Variants in LINC00305 observed in about 807,000 individuals in gnomAD.
The protein encoded by LINC00305 is long independently transcribed non-coding RNA 305, also known as long intergenic non-protein coding RNA 305.
chr18:64,131,185 A>T (rs993622747), intron 1 of LINC00305, among the ~76,000 whole-genome samples: 1 of 152,246 alleles, frequency 6.6e-6, no homozygotes, highest in Non-Finnish European at 1.5e-5. Flanking sequence ...GATATGTGTT[A>T]CTAAAAGAGT....
At chr18:64,098,923 G>A (rs2051257658) in intron 1 of LINC00305, among the ~76,000 whole-genome samples, 1 of 152,186 alleles carries the variant, frequency 6.6e-6, no homozygotes, top group Admixed American at 6.5e-5. Flanking sequence ...GAGCATTGAA[G>A]TTTCATACAA....
chr18:64,099,093 A>G (rs531909995), intron 1 of LINC00305, among the ~76,000 whole-genome samples: 72 of 152,312 alleles, frequency 4.7e-4, no homozygotes, highest in African/African-American at 1.7e-3. Context: ...TCTCCTTCTT[A>G]TCACCAATCA....
At chr18:64,107,921 T>C (rs972714280) in intron 1 of LINC00305, among the ~76,000 whole-genome samples, 3 of 152,142 alleles carry the variant, frequency 2.0e-5, no homozygotes, top group African/African-American at 7.2e-5. Flanking sequence ...GCTCAGGCCA[T>C]TGAAGGTGGC....
intron 1 of LINC00305, among the ~76,000 whole-genome samples, chr18:64,137,480 C>T (rs757253547): frequency 5.3e-5 from 8 of 152,166 alleles, no homozygotes; most frequent in African/African-American, 1.2e-4. Flanking sequence ...GATTCACCAA[C>T]GAATAATATT....
At chr18:64,138,212 T>C (rs1485225806) in intron 1 of LINC00305, among the ~76,000 whole-genome samples, 1 of 152,116 alleles carries the variant, frequency 6.6e-6, no homozygotes, top group South Asian at 2.1e-4. Context: ...AAATGGAAAA[T>C]TGATCAGTAA....
At chr18:64,089,190 G>A (rs748948466) in intron 3 of LINC00305, among the ~76,000 whole-genome samples, 5 of 152,176 alleles carry the variant, frequency 3.3e-5, no homozygotes, top group Admixed American at 2.6e-4. Context: ...GGATCATGGG[G>A]GCGGTTTTCC....
At chr18:64,102,312 A>G (rs2144241006) in intron 1 of LINC00305, among the ~76,000 whole-genome samples, 1 of 152,270 alleles carries the variant, frequency 6.6e-6, no homozygotes. Flanking sequence ...CCTAAAAAAC[A>G]ATAATAGAAC....
At chr18:64,126,610 T>C (rs1252893223) in intron 1 of LINC00305, among the ~76,000 whole-genome samples, 4 of 152,136 alleles carry the variant, frequency 2.6e-5, no homozygotes, top group African/African-American at 7.2e-5. Flanking sequence ...CTTCTTAGTA[T>C]GGGAATTCTG....
At chr18:64,098,506 ACT>A in intron 2 of LINC00305, 1 of 422,054 alleles carries the variant, frequency 2.4e-6, no homozygotes, top group South Asian at 1.8e-5. Context: ...ATTATGAGAA[ACT>A]CTATAAATAG....
chr18:64,132,515 C>G (rs540624666), intron 1 of LINC00305, among the ~76,000 whole-genome samples: 94 of 152,298 alleles, frequency 6.2e-4, no homozygotes, highest in African/African-American at 1.0e-3. Flanking sequence ...CCACTCCCCC[C>G]CCGAGTAACT....
At chr18:64,133,196 T>C (rs908274025) in intron 1 of LINC00305, among the ~76,000 whole-genome samples, 16 of 152,118 alleles carry the variant, frequency 1.1e-4, no homozygotes, top group Non-Finnish European at 1.5e-5. Flanking sequence ...TTTTAAGCCA[T>C]CTGCTAACAT....
At chr18:64,093,194 A>T (rs2850718) in intron 3 of LINC00305, among the ~76,000 whole-genome samples, 1 of 152,006 alleles carries the variant, frequency 6.6e-6, no homozygotes, top group African/African-American at 2.4e-5. Flanking sequence ...TTAAAAATGT[A>T]TAAGTATCTA....
intron 3 of LINC00305, among the ~76,000 whole-genome samples, chr18:64,093,234 A>C (rs2051231873): frequency 6.6e-6 from 1 of 152,244 alleles, no homozygotes; most frequent in Admixed American, 6.5e-5. Context: ...CTTTATTACA[A>C]AAAGTTCACA....
chr18:64,112,481 A>G (rs1464008130), intron 1 of LINC00305, among the ~76,000 whole-genome samples: 1 of 152,200 alleles, frequency 6.6e-6, no homozygotes. Flanking sequence ...AGATTAGCAT[A>G]TGCATTTTCC....
At chr18:64,110,082 C>T (rs1361074771) in intron 1 of LINC00305, among the ~76,000 whole-genome samples, 1 of 152,170 alleles carries the variant, frequency 6.6e-6, no homozygotes, top group Non-Finnish European at 1.5e-5. Flanking sequence ...ATTGGAACCC[C>T]TGTTCTACTC....
intron 3 of LINC00305, chr18:64,080,453 C>A: frequency 2.8e-6 from 1 of 353,778 alleles, no homozygotes; most frequent in East Asian, 9.6e-5. Context: ...AGAGTTTAAA[C>A]TTGATCAAAT....
intron 1 of LINC00305, among the ~76,000 whole-genome samples, chr18:64,118,900 T>C (rs2051349655): frequency 6.6e-6 from 1 of 151,156 alleles, no homozygotes; most frequent in Admixed American, 6.6e-5. Flanking sequence ...AGGATTACAC[T>C]TCATACAAAG....
chr18:64,139,727 C>T (rs755072733), intron 1 of LINC00305, among the ~76,000 whole-genome samples: 3 of 115,752 alleles, frequency 2.6e-5, no homozygotes, highest in Non-Finnish European at 5.7e-5. Flanking sequence ...AGTCCCTTCT[C>T]TATCAGGATG....
At chr18:64,107,925 A>T (rs555506425) in intron 1 of LINC00305, among the ~76,000 whole-genome samples, 1 of 152,306 alleles carries the variant, frequency 6.6e-6, no homozygotes, top group South Asian at 2.1e-4. Context: ...AGGCCATTGA[A>T]GGTGGCTTTA....
Sources: gnomAD v4.1 joint callset for allele counts (sites outside exome capture counted in the v4.1 genomes callset) on GRCh38, gnomAD v4.1.1 for gene constraint, MANE v1.5 for transcripts, NCBI Gene and HGNC (gene_info 2026-07-23, HGNC 2026-07-21) for gene names.